The following MED16 variants were observed in gnomAD, a reference collection of about 807,000 sequenced individuals.
The protein encoded by MED16 is mediator of RNA polymerase II transcription subunit 16.
A neutral mutation model predicts 84.4 loss-of-function variants in MED16; 81 were observed. That is an observed-to-expected ratio of 0.96 (90% CI 0.80 to 1.15). MED16 has a LOEUF of 1.15. Ranked by LOEUF, MED16 falls within the 50% of genes most tolerant of loss-of-function variation. MED16 has a pLI of 0.00. For missense variants in MED16, 1,585 were observed against 1,245.9 expected (o/e 1.27, Z -4.10); for synonymous variants, 897 against 552.2 (o/e 1.62, Z -8.76).
intron 12 of MED16, 47 bp from the exon 13 acceptor site, chr19:871,300 C>T (rs923162722): frequency 9.4e-6 from 14 of 1,494,208 alleles, no homozygotes; most frequent in African/African-American, 8.3e-5. Context: ...ACTGGGGCAC[C>T]GCCCGGCCAC....
chr19:873,702 C>T (rs1046112586), intron 10 of MED16, 120 bp from the exon 11 acceptor site: 2 of 1,194,374 alleles, frequency 1.7e-6, no homozygotes, highest in East Asian at 4.8e-5. Flanking sequence ...CACAAGGGGA[C>T]CCACACCGGG....
Position 871,357 on chromosome 19 carries a change from G to A in MED16, c.2099-104C>T. On this transcript the variant is annotated intron_variant, in intron 12 of 15. Coordinates refer to ENST00000325464, the MANE Select transcript of MED16 (RefSeq NM_005481.3). ...TCCAGTTCAGGAGCACCAGGTCAGG[G>A]CCCCAGCTCTGTCTGCCTGGCTGGG... The A allele has an allele frequency of 3.7e-6, 5 of 1,360,840 alleles. No homozygotes were observed. In the South Asian group the frequency reaches 5.7e-5, roughly 15 times the overall value. The allele number at this position is 1,360,840 out of a possible 1,614,324, so 84.3% of individuals were successfully genotyped here. A position where few individuals can be genotyped will look rare whatever the true frequency, so the allele number is the denominator to read the frequency against.
At chr19:873,655 C>A (rs2036156510) in intron 10 of MED16, 73 bp from the exon 11 acceptor site, 5 of 1,563,574 alleles carry the variant, frequency 3.2e-6, no homozygotes, top group South Asian at 1.1e-5. Context: ...ACCCCTCGGT[C>A]CTTCGACCTG....
chr19:889,850 C>T (rs1179255586), intron 3 of MED16, 43 bp from the exon 4 acceptor site: 3 of 1,569,928 alleles, frequency 1.9e-6, no homozygotes, highest in Admixed American at 3.6e-5. Context: ...CAGGGATGGG[C>T]AGAGCACTGC....
chr19:891,828 C>A lies in MED16; in HGVS notation c.-18-679G>T, dbSNP rs1235295430. Among the ~76,000 whole-genome samples, 131 of 108,960 alleles carry A rather than the reference C, an allele frequency of 1.2e-3. 2 individuals are homozygous for A. Among genetic ancestry groups the A allele is most frequent in the African/African-American group, 5.0e-3 (121 of 24,410 alleles). The allele number at this position is 108,960 out of a possible 152,430, so 71.5% of individuals were successfully genotyped here. A position where few individuals can be genotyped will look rare whatever the true frequency, so the allele number is the denominator to read the frequency against. On this transcript the variant is annotated intron_variant, in intron 1 of 15. Transcript: ENST00000325464. ...GCGGGGCTGAGTGTGACGGGGAACA[C>A]CTGTGGCCGAGGCGGGGCTGAGTGT... is the stretch of plus-strand genomic sequence containing the variant.
chr19:891,179 A>C (rs937362244), intron 1 of MED16, 30 bp from the exon 2 acceptor site: 1 of 1,576,834 alleles, frequency 6.3e-7, no homozygotes. Context: ...TGGGACGTCT[A>C]TGTTGGCTGA....
chr19:877,494 G>C (rs555610707), intron 8 of MED16, among the ~76,000 whole-genome samples: 2 of 138,744 alleles, frequency 1.4e-5, no homozygotes, highest in South Asian at 2.2e-4. Flanking sequence ...TCCTAGTTAC[G>C]AAGCTCCTAA....
chr19:882,214 C>CA (rs1442612180), intron 6 of MED16, among the ~76,000 whole-genome samples: 1 of 152,234 alleles, frequency 6.6e-6, no homozygotes, highest in Non-Finnish European at 1.5e-5. Context: ...CAAGCCTTAG[C>CA]AAATGTGACA....
chr19:880,828 G>A (rs2036405724), intron 7 of MED16, among the ~76,000 whole-genome samples: 1 of 151,940 alleles, frequency 6.6e-6, no homozygotes, highest in East Asian at 1.9e-4. Context: ...GGCTGAGGCA[G>A]GAAGGAGAAT....
intron 4 of MED16, among the ~76,000 whole-genome samples, chr19:886,907 T>C (rs1040373062): frequency 6.6e-6 from 1 of 151,942 alleles, no homozygotes; most frequent in African/African-American, 2.4e-5. Flanking sequence ...AAAAGCCTGT[T>C]GCTAATAAAA....
At chr19:878,718 T>C (rs1306756436) in intron 8 of MED16, among the ~76,000 whole-genome samples, 3 of 123,704 alleles carry the variant, frequency 2.4e-5, no homozygotes, top group East Asian at 2.8e-4. Flanking sequence ...CGCCTTCCCC[T>C]GGTTGTCAAT....
intron 1 of MED16, among the ~76,000 whole-genome samples, chr19:891,621 C>A (rs924311744): frequency 6.8e-6 from 1 of 147,924 alleles, no homozygotes; most frequent in Non-Finnish European, 1.5e-5. Context: ...GTGGCCGAGG[C>A]GGGGCTGAGT....
chr19:877,397 C>T (rs190464121), intron 8 of MED16, among the ~76,000 whole-genome samples: 1 of 152,146 alleles, frequency 6.6e-6, no homozygotes, highest in Non-Finnish European at 1.5e-5. Context: ...CTCCCTGAGC[C>T]CCGACTGCAC....
rs771058267 is a variant in MED16 at position 891,146 on chromosome 19, G to A, written c.-15C>T. On this transcript the variant is annotated 5_prime_UTR_variant, in exon 2 of 16. Transcript: ENST00000325464. ...AAATCACACATGAGGGCAGTCACCA[G>A]CTCCTGCGGGAGGGAGGTGTGGTGG... 1.0e-5 allele frequency: 16 copies of A among 1,605,912 alleles called. No individual in the cohort carries two copies. Among genetic ancestry groups the A allele is most frequent in the Non-Finnish European group, 6.0e-6 (7 of 1,175,256 alleles).
intron 1 of MED16, chr19:892,881 A>AGCCCCGAGCCCCGCGCCCCGCGCCCCGC (rs1555719500): frequency 2.9e-5 from 4 of 137,866 alleles, no homozygotes; most frequent in African/African-American, 5.5e-5. Context: ...CTGAGCCCCG[A>AGCCCCGAGCCCCGCGCCCCGCGCCCCGC]GCCCCGCGCC....
chr19:875,157 C>A, intron 10 of MED16, 87 bp downstream of exon 10: 1 of 932,510 alleles, frequency 1.1e-6, no homozygotes, highest in South Asian at 2.2e-5. Flanking sequence ...GAGTAAGACC[C>A]TATCTCAAAA....
At chr19:892,307 T>C (rs77786764) in intron 1 of MED16, 4,465 of 154,000 alleles carry the variant, frequency 0.029, 228 homozygotes, top group African/African-American at 0.1. Flanking sequence ...CCCCCTTTGC[T>C]TCCCACACTT....
chr19:886,923 A>C (rs2036537281), intron 4 of MED16, among the ~76,000 whole-genome samples: 1 of 151,854 alleles, frequency 6.6e-6, no homozygotes, highest in African/African-American at 2.4e-5. Flanking sequence ...TAAAAAATAC[A>C]AAAAAATTAG....
Position 885,812 on chromosome 19 carries a change from G to A in MED16, c.837C>T (p.Ala279=), listed in dbSNP as rs757692788. Residue 279 remains alanine (A), a synonymous_variant, in exon 5 of 16, where the codon GCC becomes GCT. Coordinates refer to ENST00000325464, the MANE Select transcript of MED16 (RefSeq NM_005481.3). The stretch of plus-strand genomic sequence containing the variant: ...GGGCCAGGAACTTGAGGTGGGTGAT[G>A]GCGGGAAACTTGTCCTTGCGGTTGA... The part of the protein sequence containing the change: ...TDLNRKDKFP[A]ITHLKFLARD... 1.9e-6 allele frequency: 3 copies of A among 1,612,908 alleles called. No homozygotes were observed. The highest frequency in any genetic ancestry group is 1.7e-5 in the Admixed American group (1 of 60,030).
Sources: allele counts gnomAD v4.1 joint callset (sites outside exome capture counted in the v4.1 genomes callset), GRCh38; gene constraint gnomAD v4.1.1; transcripts MANE v1.5; gene names NCBI Gene and HGNC (gene_info 2026-07-23, HGNC 2026-07-21).